Variants in ARAF observed in about 807,000 individuals in gnomAD.
ARAF encodes A-Raf proto-oncogene, serine/threonine kinase.
A neutral mutation model predicts 48.0 loss-of-function variants in ARAF; 18 were observed. The ratio of observed to expected loss-of-function variants is 0.37; its 90% CI spans 0.26 to 0.56. ARAF has a LOEUF of 0.56. ARAF is among the 20% of genes least tolerant of loss of function. The probability of loss-of-function intolerance (pLI) is 0.77; values close to 1 mark genes in which losing one functional copy is unlikely to be tolerated. For missense variants in ARAF, 389 were observed against 543.1 expected, an observed-to-expected ratio of 0.72 and a Z score of 2.82; for synonymous variants, 207 against 220.1, an observed-to-expected ratio of 0.94 and a Z score of 0.53.
rs753017950 is a variant in ARAF, at chrX:47,571,212, GGTGT to G, written c.1687-78_1687-75del. ...TTTCGCCATGAGGCTGGGACTGTTG[GGTGT>G]GTGTGTGTGTGTGTGTGTGTGTGTG... is the stretch of plus-strand genomic sequence containing the variant. On this transcript the variant is annotated intron_variant, in intron 15 of 15. Coordinates refer to ENST00000377045, the MANE Select transcript of ARAF (RefSeq NM_001654.5). 9.6e-3 allele frequency: 5,271 copies of G among 550,567 alleles called. 2 individuals are homozygous for G. Among genetic ancestry groups the G allele is most frequent in the South Asian group, 0.026 (507 of 19,205 alleles). The allele number at this position is 550,567 out of a possible 1,213,427, so 45.4% of individuals were successfully genotyped here.
At chrX:47,563,660 G>C (rs1028551529) in intron 3 of ARAF, among the ~76,000 whole-genome samples, 2 of 112,593 alleles carry the variant, frequency 1.8e-5, no homozygotes, top group African/African-American at 6.5e-5. Context: ...AAACTAGCAT[G>C]AATTTATTTT....
rs1232345150 is a variant in ARAF, at chrX:47,571,592, T to A, written c.*135T>A. 2 of 928,736 alleles carry A rather than the reference T, an allele frequency of 2.2e-6. No individual in the cohort carries two copies. The highest frequency in any genetic ancestry group is 7.7e-5 in the Admixed American group (2 of 25,972). 76.5% of individuals were successfully genotyped at this position (928,736 alleles called of 1,213,427 possible). On this transcript the variant is annotated 3_prime_UTR_variant, in exon 16 of 16. Transcript: ENST00000377045. The stretch of plus-strand genomic sequence containing the variant: ...TTCCCCACCCTGGGAGATGAGGGGG[T>A]CCCCATGTGCTTTTCCAGTTCTTCT...
rs770223449 is a variant in ARAF at position 47,570,943 on chromosome X, C to T, written c.1617C>T (p.Pro539=). Residue 539 remains proline (P), a synonymous_variant, in exon 15 of 16, where the codon CCC becomes CCT. Coordinates refer to ENST00000377045, the MANE Select transcript of ARAF (RefSeq NM_001654.5). ...PDLSKISSNC[P]KAMRRLLSDC... is the part of the protein sequence containing the mutation. ...TCAGCAAAATCTCCAGCAACTGCCCCAAGGCCATGCGGCGCCTGCTGTCTG... is the reference window on the plus strand; with the variant it reads ...TCAGCAAAATCTCCAGCAACTGCCCTAAGGCCATGCGGCGCCTGCTGTCTG... 6 of 1,210,698 alleles carry T rather than the reference C, an allele frequency of 5.0e-6. No individual in the cohort carries two copies. Among genetic ancestry groups the T allele is most frequent in the Non-Finnish European group, 6.7e-6 (6 of 895,254 alleles).
intron 6 of ARAF, chrX:47,565,568 C>T (rs2057729114): frequency 2.0e-6 from 1 of 509,906 alleles, no homozygotes; most frequent in African/African-American, 2.4e-5. Context: ...ATACTTTCTA[C>T]CATATAAAGG....
At position 47,571,629 on chromosome X, in the gene ARAF, A is replaced by G. The variant is rs996673527; in HGVS notation, c.*172A>G. On this transcript the variant is annotated 3_prime_UTR_variant, in exon 16 of 16. Transcript: ENST00000377045. The stretch of plus-strand genomic sequence containing the variant: ...TTTCCAGTTCTTCTGGAATTGGGGG[A>G]CCCCCGCCAAAGACTGAGCCCCCTG... The G allele has an allele frequency of 2.9e-6, 2 of 693,672 alleles. No homozygotes were observed. The highest frequency in any genetic ancestry group is 2.2e-5 in the African/African-American group (1 of 44,726). 57.2% of individuals were successfully genotyped at this position (693,672 alleles called of 1,213,427 possible).
At chrX:47,563,384 C>A in intron 3 of ARAF, 55 bp downstream of exon 3, 1 of 938,585 alleles carries the variant, frequency 1.1e-6, no homozygotes, top group Non-Finnish European at 1.5e-6. Context: ...CCATCCCCTC[C>A]TCAGTCATTT....
chrX:47,571,068 A>G (rs2057753909), intron 15 of ARAF, 56 bp downstream of exon 15: 1 of 1,161,833 alleles, frequency 8.6e-7, no homozygotes, highest in Non-Finnish European at 1.2e-6. Flanking sequence ...ATAGAGGAAG[A>G]CTGAGATGGA....
Position 47,566,899 on chromosome X carries a change from T to G in ARAF, c.715T>G (p.Phe239Val), listed in dbSNP as rs148802221. 5.8e-6 allele frequency: 7 copies of G among 1,209,483 alleles called. No individual in the cohort carries two copies. The African/African-American group carries it at 8.8e-5, about 15-fold the overall frequency. ...SNLIQLTGQSFSTDAAGSRGG... is the reference protein window; with the variant it reads ...SNLIQLTGQSVSTDAAGSRGG... Reference sequence around the variant, plus strand: ...CTTCTTCTAGCTCACTGGCCAGAGTTTCAGCACTGATGGTGAGTCCCCTGT... The same window carrying G: ...CTTCTTCTAGCTCACTGGCCAGAGTGTCAGCACTGATGGTGAGTCCCCTGT... Residue 239 changes from phenylalanine to valine, a missense_variant, in exon 8 of 16, where the codon TTC becomes GTC. Phe to Val is a conservative substitution (Grantham distance 50). Around this residue, in one of 4 missense-constraint regions of ARAF, gnomAD observed 154 missense variants for 133.6 expected, o/e 1.15. Transcript: ENST00000377045.
chrX:47,569,375 G>A, intron 12 of ARAF, 164 bp from the exon 13 acceptor site: 2 of 494,464 alleles, frequency 4.0e-6, no homozygotes, highest in Non-Finnish European at 7.0e-6. Flanking sequence ...GCATTAGCAG[G>A]CGTTCCCTGC....
intron 1 of ARAF, among the ~76,000 whole-genome samples, chrX:47,562,509 A>C (rs5906432): frequency 0.4 from 40,617 of 100,969 alleles, 6,450 homozygotes; most frequent in African/African-American, 0.48. Flanking sequence ...CAGAAAAAAA[A>C]AAAAAAAAAA....
At chrX:47,568,920 TG>T (rs775949802) in intron 11 of ARAF, 26 bp downstream of exon 11, 1 of 1,190,433 alleles carries the variant, frequency 8.4e-7, no homozygotes, top group African/African-American at 1.9e-5. Flanking sequence ...TGGGGAGGGG[TG>T]GGGGGAAAGG....
At chrX:47,571,046 G>T (rs2057753694) in intron 15 of ARAF, 34 bp downstream of exon 15, 10 of 1,195,068 alleles carry the variant, frequency 8.4e-6, no homozygotes, top group Non-Finnish European at 1.1e-5. Context: ...ACCTTGGGTG[G>T]GTGACTCTGG....
intron 14 of ARAF, 92 bp downstream of exon 14, chrX:47,570,116 C>T: frequency 1.9e-6 from 2 of 1,030,567 alleles, no homozygotes; most frequent in Non-Finnish European, 2.6e-6. Context: ...TGATAAATGC[C>T]ACACTTTCCC....
Position 47,568,938 on chromosome X carries a change from G to T in ARAF, c.1253+44G>T, listed in dbSNP as rs370203307. On this transcript the variant is annotated intron_variant, in intron 11 of 15. Transcript: ENST00000377045. ...GGAGGGGTGGGGGGAAAGGGTGGGGGAAATGAGGTAACCCCCAGCCAATCC... is the reference window on the plus strand; with the variant it reads ...GGAGGGGTGGGGGGAAAGGGTGGGGTAAATGAGGTAACCCCCAGCCAATCC... The T allele has an allele frequency of 2.5e-6, 3 of 1,197,557 alleles. No homozygotes were observed. In the African/African-American group the frequency reaches 5.3e-5, roughly 21 times the overall value.
At chrX:47,564,087 C>G (rs1275932830) in intron 3 of ARAF, among the ~76,000 whole-genome samples, 2 of 112,388 alleles carry the variant, frequency 1.8e-5, no homozygotes, top group Non-Finnish European at 3.8e-5. Context: ...TACTTTCCCA[C>G]CCGGTTGACC....
In ARAF at chrX:47,567,561, G is replaced by A. The variant is rs889765814; in HGVS notation, c.1076+129G>A. 11 of 748,241 alleles carry A rather than the reference G, an allele frequency of 1.5e-5. No individual in the cohort carries two copies. In the Admixed American group the frequency reaches 2.8e-4, roughly 19 times the overall value. 61.7% of individuals were successfully genotyped at this position (748,241 alleles called of 1,213,427 possible). ...TGTTGTTAAACCATCATCAGAAGTTGTTTCTCTCTGAAGGGTGTCCCTTTC... is the reference window on the plus strand; with the variant it reads ...TGTTGTTAAACCATCATCAGAAGTTATTTCTCTCTGAAGGGTGTCCCTTTC... On this transcript the variant is annotated intron_variant, in intron 10 of 15. Transcript: ENST00000377045.
rs927113479 is a variant in ARAF at position 47,571,881 on chromosome X, C to T, written c.*424C>T. On this transcript the variant is annotated 3_prime_UTR_variant, in exon 16 of 16. Transcript: ENST00000377045. ...CCATTCAAGGACTCCTCTCTTTCTT[C>T]ACCAAGAAGCACAGAATTCTGCTGG... 5.4e-6 allele frequency: 1 copy of T among 183,947 alleles called. No homozygotes were observed. The highest frequency in any genetic ancestry group is 1.0e-5 in the Non-Finnish European group (1 of 99,280). The allele number at this position is 183,947 out of a possible 1,213,427, so 15.2% of individuals were successfully genotyped here.
Position 47,562,925 on chromosome X carries a change from G to T in ARAF, c.-43G>T. The T allele has an allele frequency of 9.4e-7, 1 of 1,061,080 alleles. No homozygotes were observed. Among genetic ancestry groups the T allele is most frequent in the Non-Finnish European group, 1.3e-6 (1 of 791,329 alleles). The allele number at this position is 1,061,080 out of a possible 1,213,427, so 87.4% of individuals were successfully genotyped here. A position where few individuals can be genotyped will look rare whatever the true frequency, so the allele number is the denominator to read the frequency against. ...TTCTTGTAGGAGCCCCATGGCACCTGCCCAGCCCCACCTCAGCCCATCTTG... is the reference window on the plus strand; with the variant it reads ...TTCTTGTAGGAGCCCCATGGCACCTTCCCAGCCCCACCTCAGCCCATCTTG... On this transcript the variant is annotated 5_prime_UTR_variant, in exon 2 of 16. Transcript: ENST00000377045.
At chrX:47,571,203 G>A in intron 15 of ARAF, 120 bp from the exon 16 acceptor site, 14 of 994,175 alleles carry the variant, frequency 1.4e-5, no homozygotes, top group Non-Finnish European at 1.9e-5. Flanking sequence ...CATGAGGCTG[G>A]GACTGTTGGG....
Sources: allele counts gnomAD v4.1 joint callset (sites outside exome capture counted in the v4.1 genomes callset), GRCh38; gene constraint gnomAD v4.1.1; regional missense constraint gnomAD v4.1.1; transcripts MANE v1.5; gene names NCBI Gene and HGNC (gene_info 2026-07-23, HGNC 2026-07-21).